NEDD4L: variants seen among roughly 807,000 people sequenced by gnomAD.
NEDD4L encodes NEDD4 like E3 ubiquitin protein ligase.
Under a neutral mutation model 148.9 loss-of-function variants are expected in NEDD4L, and 54 were observed. The observed-to-expected ratio is 0.36, with a 90% CI of 0.29 to 0.45. The LOEUF is 0.45. Ranked by LOEUF, NEDD4L falls within the 20% of genes least tolerant of loss-of-function variation. The pLI is 1.00. For missense variants in NEDD4L, 856 were observed against 1,233.8 expected (o/e 0.69, Z 4.59); for synonymous variants, 433 against 440.7 (o/e 0.98, Z 0.22).
chr18:58,182,774 G>T (rs750620437), intron 2 of NEDD4L, among the ~76,000 whole-genome samples: 1 of 152,040 alleles, frequency 6.6e-6, no homozygotes, highest in Non-Finnish European at 1.5e-5. Context: ...GAGCCACTGC[G>T]CCTGGCCTGT....
intron 24 of NEDD4L, among the ~76,000 whole-genome samples, chr18:58,378,591 G>A (rs918820564): frequency 6.6e-6 from 1 of 152,204 alleles, no homozygotes; most frequent in Admixed American, 6.5e-5. Context: ...CCCTGCTGTC[G>A]GTAGTTGCGC....
intron 1 of NEDD4L, among the ~76,000 whole-genome samples, chr18:58,157,939 G>T (rs575211838): frequency 6.6e-6 from 1 of 152,308 alleles, no homozygotes; most frequent in East Asian, 1.9e-4. Context: ...TTTAGAGTTA[G>T]CAGCTTATAA....
chr18:58,363,859 C>T (rs2045797814), intron 19 of NEDD4L, among the ~76,000 whole-genome samples: 1 of 152,196 alleles, frequency 6.6e-6, no homozygotes, highest in African/African-American at 2.4e-5. Flanking sequence ...CGTAATTAGA[C>T]TTTTCAAAAT....
At position 58,233,761 on chromosome 18, in the gene NEDD4L, T is replaced by G. The variant is rs2045545132; in HGVS notation, c.123-11666T>G. On this transcript the variant is annotated intron_variant, in intron 2 of 30. Coordinates refer to ENST00000400345, the MANE Select transcript of NEDD4L (RefSeq NM_001144967.3). ...AACTAGGTGGCTAACAACAGAAATT[T>G]ATTTTCTATCAGTGTTGGAGTCCAG... Among the ~76,000 whole-genome samples, 3 of 152,352 alleles carry G rather than the reference T, an allele frequency of 2.0e-5. No individual in the cohort carries two copies. In the South Asian group the frequency reaches 6.2e-4, roughly 32 times the overall value.
chr18:58,187,618 GTTTT>G (rs1161081111), intron 2 of NEDD4L, among the ~76,000 whole-genome samples: 1 of 152,032 alleles, frequency 6.6e-6, no homozygotes, highest in African/African-American at 2.4e-5. Context: ...ATGGTATTGA[GTTTT>G]TTTGTGTTCT....
At chr18:58,070,872 A>C (rs779559396) in intron 1 of NEDD4L, among the ~76,000 whole-genome samples, 15 of 152,240 alleles carry the variant, frequency 9.9e-5, no homozygotes, top group African/African-American at 3.4e-4. Context: ...TTATAGAATT[A>C]GTTCCTGAAA....
At chr18:58,075,311 C>T (rs1453186484) in intron 1 of NEDD4L, among the ~76,000 whole-genome samples, 1 of 152,118 alleles carries the variant, frequency 6.6e-6, no homozygotes, top group East Asian at 1.9e-4. Flanking sequence ...CCACCATGCC[C>T]GACTACTTTT....
intron 1 of NEDD4L, among the ~76,000 whole-genome samples, chr18:58,075,281 G>T (rs950684243): frequency 3.9e-5 from 6 of 152,166 alleles, no homozygotes; most frequent in African/African-American, 7.2e-5. Flanking sequence ...CTCCTGAGTA[G>T]CTGGGATTAC....
At chr18:58,338,523 A>G (rs145749048) in intron 13 of NEDD4L, among the ~76,000 whole-genome samples, 8 of 152,338 alleles carry the variant, frequency 5.3e-5, no homozygotes, top group Non-Finnish European at 8.8e-5. Context: ...TCAGTTCTCA[A>G]TAGAAGAGAG....
At position 58,220,355 on chromosome 18, in the gene NEDD4L, C is replaced by T. The variant is rs186369994; in HGVS notation, c.123-25072C>T. Among the ~76,000 whole-genome samples the T allele has an allele frequency of 9.9e-5, 15 of 152,040 alleles. No homozygotes were observed. The South Asian group carries it at 1.2e-3, about 13-fold the overall frequency. On this transcript the variant is annotated intron_variant, in intron 2 of 30. Transcript: ENST00000400345. ...CCAGAGGCAGAGACTGTAGTGAGAT[C>T]GTGCCACTGCACTCCAGCCTGGGTG...
intron 17 of NEDD4L, 46 bp from the exon 18 acceptor site, chr18:58,350,945 A>G (rs2043802554): frequency 1.4e-6 from 2 of 1,460,544 alleles, no homozygotes; most frequent in Non-Finnish European, 9.4e-7. Context: ...CAGAACTCCT[A>G]GCTAATGTTT....
At chr18:58,250,767 C>G (rs2047830744) in intron 4 of NEDD4L, among the ~76,000 whole-genome samples, 1 of 152,142 alleles carries the variant, frequency 6.6e-6, no homozygotes, top group African/African-American at 2.4e-5. Flanking sequence ...CCCTGGGATC[C>G]TTATCTCTCA....
chr18:58,386,749 C>G (rs995441815), intron 26 of NEDD4L, among the ~76,000 whole-genome samples: 4 of 152,218 alleles, frequency 2.6e-5, no homozygotes, highest in South Asian at 2.1e-4. Context: ...TCCCTTCACT[C>G]AGGTACCTAC....
At chr18:58,161,996 T>C (rs896820148) in intron 1 of NEDD4L, among the ~76,000 whole-genome samples, 2 of 152,206 alleles carry the variant, frequency 1.3e-5, no homozygotes, top group African/African-American at 2.4e-5. Flanking sequence ...ATAGCTAGCA[T>C]GTTTGTAACT....
At chr18:58,215,294 C>T (rs1173074717) in intron 2 of NEDD4L, among the ~76,000 whole-genome samples, 3 of 152,096 alleles carry the variant, frequency 2.0e-5, no homozygotes, top group African/African-American at 7.2e-5. Context: ...TTCCCTAGTT[C>T]AATATTAACC....
Position 58,396,201 on chromosome 18 carries a change from T to G in NEDD4L, c.2860T>G (p.Phe954Val). Residue 954 changes from phenylalanine to valine, a missense_variant, in exon 31 of 31, where the codon TTT becomes GTT. By Grantham distance (50) the Phe-to-Val change is conservative. Transcript: ENST00000400345. ...NRLDLPPYET[F>V]EDLREKLLMA... ...CCTTGACTTACCTCCATATGAAACC[T>G]TTGAAGATTTACGAGAGAAACTTCT... The G allele has an allele frequency of 6.2e-7, 1 of 1,613,654 alleles. No individual in the cohort carries two copies.
intron 5 of NEDD4L, among the ~76,000 whole-genome samples, chr18:58,310,017 TGCTCTC>T (rs900627519): frequency 3.9e-5 from 6 of 152,216 alleles, no homozygotes; most frequent in African/African-American, 9.7e-5. Context: ...TGCTTGCGCT[TGCTCTC>T]GCTCTCGCTC....
chr18:58,223,172 C>T (rs966842340), intron 2 of NEDD4L, among the ~76,000 whole-genome samples: 7 of 151,754 alleles, frequency 4.6e-5, no homozygotes, highest in Admixed American at 3.9e-4. Flanking sequence ...AGGAAGTAAA[C>T]ATCTGTATTA....
intron 13 of NEDD4L, chr18:58,335,740 C>A: frequency 2.1e-6 from 1 of 485,560 alleles, no homozygotes; most frequent in East Asian, 3.4e-5. Context: ...TTTAGTCCCA[C>A]ATAATTTTAT....
Sources: allele counts gnomAD v4.1 joint callset (sites outside exome capture counted in the v4.1 genomes callset), GRCh38; gene constraint gnomAD v4.1.1; transcripts MANE v1.5; gene names NCBI Gene and HGNC (gene_info 2026-07-23, HGNC 2026-07-21).